Variants in ABR observed in about 807,000 individuals in gnomAD.
ABR encodes ABR activator of RhoGEF and GTPase.
In ABR, 35 loss-of-function variants were observed where a neutral mutation model predicts 107.2. The observed-to-expected ratio is 0.33, with a 90% CI of 0.25 to 0.43. The LOEUF (loss-of-function observed/expected upper bound fraction) is 0.43. Ranked by LOEUF, ABR falls within the 20% of genes least tolerant of loss-of-function variation. ABR has a pLI of 1.00. For synonymous variants in ABR, 498 were observed against 462.0 expected (o/e 1.08, Z -1.00); for missense variants, 815 against 1,115.2 (o/e 0.73, Z 3.83).
intron 1 of ABR, among the ~76,000 whole-genome samples, chr17:1,203,304 G>A (rs1473775015): frequency 1.3e-5 from 2 of 149,094 alleles, no homozygotes; most frequent in South Asian, 2.1e-4. Flanking sequence ...GCGTGGCCCG[G>A]CTCGTGGGGG....
At position 1,091,665 on chromosome 17, in the gene ABR, C is replaced by A; in HGVS notation, c.531G>T (p.Leu177=). Reference sequence around the variant, plus strand: ...GACCCTCCATCCCTGGCAGACTCACCAGCTTCTGGAAGAGGTGGCCCATGG... The same window carrying A: ...GACCCTCCATCCCTGGCAGACTCACAAGCTTCTGGAAGAGGTGGCCCATGG... The part of the protein sequence containing the change: ...QVTMGHLFQK[L]ASQLGVYKAF... Residue 177 remains leucine (L), a splice_region_variant and synonymous_variant, in exon 4 of 23, where the codon CTG becomes CTT. Coordinates refer to ENST00000302538, the MANE Select transcript of ABR (RefSeq NM_021962.5). 6.2e-7 allele frequency: 1 copy of A among 1,612,336 alleles called. No individual in the cohort carries two copies. Among genetic ancestry groups the A allele is most frequent in the Non-Finnish European group, 8.5e-7 (1 of 1,178,932 alleles).
chr17:1,031,151 C>A (rs1195174298), intron 16 of ABR, among the ~76,000 whole-genome samples: 2 of 152,154 alleles, frequency 1.3e-5, no homozygotes, highest in African/African-American at 4.8e-5. Context: ...CTCCCCTCCC[C>A]ACAATCCTGC....
chr17:1,069,793 C>G (rs1415882491), intron 9 of ABR, among the ~76,000 whole-genome samples, 176 bp downstream of exon 9: 1 of 130,204 alleles, frequency 7.7e-6, no homozygotes, highest in African/African-American at 2.9e-5. Context: ...CCCCCTCCCC[C>G]GCCCCTGGAC....
chr17:1,072,871 G>A (rs929603470), intron 7 of ABR, 117 bp from the exon 8 acceptor site: 32 of 1,326,842 alleles, frequency 2.4e-5, no homozygotes, highest in South Asian at 8.7e-5. Flanking sequence ...CCTAATTCCC[G>A]CAAAATCTGA....
Position 1,005,857 on chromosome 17 carries a change from A to T in ABR, c.*223T>A, listed in dbSNP as rs2069984182. ...CGGAGCATCAGACACAACTAGAGGT[A>T]TGGAGGGCAGGAGGTGGGATGCGGT... On this transcript the variant is annotated 3_prime_UTR_variant, in exon 23 of 23. Coordinates refer to ENST00000302538, the MANE Select transcript of ABR (RefSeq NM_021962.5). 3.4e-6 allele frequency: 2 copies of T among 593,834 alleles called. No individual in the cohort carries two copies. The highest frequency in any genetic ancestry group is 6.0e-6 in the Non-Finnish European group (2 of 331,708). 36.8% of individuals were successfully genotyped at this position (593,834 alleles called of 1,614,324 possible).
chr17:1,049,724 G>A (rs924855909), intron 16 of ABR, among the ~76,000 whole-genome samples: 15 of 152,218 alleles, frequency 9.9e-5, no homozygotes, highest in African/African-American at 3.1e-4. Flanking sequence ...CCCGTTCACC[G>A]ACGCAGCCTC....
At chr17:1,225,887 G>A (rs902486593) in intron 1 of ABR, among the ~76,000 whole-genome samples, 4 of 152,146 alleles carry the variant, frequency 2.6e-5, no homozygotes, top group Non-Finnish European at 5.9e-5. Context: ...TGTCACACAG[G>A]CAGTCTAGCT....
intron 1 of ABR, among the ~76,000 whole-genome samples, chr17:1,171,227 T>C (rs2041700105): frequency 6.6e-6 from 1 of 152,166 alleles, no homozygotes; most frequent in African/African-American, 2.4e-5. Flanking sequence ...CACGGCGTCT[T>C]TGGTCCCCGT....
intron 1 of ABR, among the ~76,000 whole-genome samples, chr17:1,146,251 G>A (rs1420631187): frequency 2.6e-5 from 3 of 114,858 alleles, no homozygotes; most frequent in African/African-American, 7.0e-5. Flanking sequence ...ATCCACGCAG[G>A]CACATGGAGA....
chr17:1,226,292 C>A (rs992585789), intron 1 of ABR, among the ~76,000 whole-genome samples: 1 of 152,184 alleles, frequency 6.6e-6, no homozygotes, highest in East Asian at 1.9e-4. Flanking sequence ...TTCCCTTAAT[C>A]GCTCCACTCT....
intron 3 of ABR, among the ~76,000 whole-genome samples, chr17:1,093,126 T>C (rs920780630): frequency 6.8e-6 from 1 of 147,666 alleles, no homozygotes; most frequent in Non-Finnish European, 1.5e-5. Context: ...CGGCCAGCCA[T>C]GTCGGATTCT....
chr17:1,125,773 G>A (rs574376048), intron 1 of ABR: 1 of 240,474 alleles, frequency 4.2e-6, no homozygotes, highest in Non-Finnish European at 7.9e-6. Flanking sequence ...AAGGAGGTGG[G>A]GGGGGCCGGT....
At chr17:1,215,162 G>C (rs1414464763) in intron 1 of ABR, among the ~76,000 whole-genome samples, 2 of 151,278 alleles carry the variant, frequency 1.3e-5, no homozygotes, top group Non-Finnish European at 2.9e-5. Context: ...AGAGATTGCA[G>C]TGAGCCTAGA....
chr17:1,075,388 G>A (rs918576274), intron 6 of ABR, among the ~76,000 whole-genome samples: 4 of 152,252 alleles, frequency 2.6e-5, no homozygotes, highest in Non-Finnish European at 2.9e-5. Flanking sequence ...GCGTGAACAC[G>A]CACGCCCTAG....
At chr17:1,223,150 C>T (rs9330549) in intron 1 of ABR, among the ~76,000 whole-genome samples, 13,111 of 151,680 alleles carry the variant, frequency 0.086, 1,532 homozygotes, top group African/African-American at 0.26. Context: ...TGCAGTGAGC[C>T]GAGATCTTGC....
At chr17:1,131,949 A>G (rs1267095041) in intron 1 of ABR, among the ~76,000 whole-genome samples, 1 of 68,408 alleles carries the variant, frequency 1.5e-5, no homozygotes, top group East Asian at 4.7e-4. Flanking sequence ...CTCTTTGCAC[A>G]CCAAATGCAG....
intron 1 of ABR, among the ~76,000 whole-genome samples, chr17:1,203,496 A>G (rs71358545): frequency 0.9 from 23,757 of 26,378 alleles, 11,500 homozygotes; most frequent in East Asian, 1. Flanking sequence ...GCCCGCGGGG[A>G]CGGAGTCTGC....
Position 1,050,443 on chromosome 17 carries a change from G to A in ABR, c.1659+94C>T, listed in dbSNP as rs2032339247. On this transcript the variant is annotated intron_variant, in intron 15 of 22. Transcript: ENST00000302538. This position sits in a 1 kb window ranked among gnomAD's most constrained non-coding sequence, Gnocchi z 4.6. ...GAGCAGAAAGGGGGGTGCAGACATA[G>A]CTGGTCCAACCAATGGGCTGGCCGT... The A allele has an allele frequency of 8.1e-7, 1 of 1,228,718 alleles. No individual in the cohort carries two copies. The highest frequency in any genetic ancestry group is 1.2e-5 in the South Asian group (1 of 82,642). The allele number at this position is 1,228,718 out of a possible 1,614,324, so 76.1% of individuals were successfully genotyped here. A position where few individuals can be genotyped will look rare whatever the true frequency, so the allele number is the denominator to read the frequency against.
In ABR at chr17:1,192,877, C is replaced by T. The variant is rs1006538670; in HGVS notation, c.838+35916G>A. Among the ~76,000 whole-genome samples the T allele has an allele frequency of 3.3e-5, 5 of 152,154 alleles. No homozygotes were observed. The East Asian group carries it at 9.7e-4, about 29-fold the overall frequency. ...CAGCCTGACCAATATGGTGAAACCC[C>T]CTCTCTACTAAAAATAGAAAATTAG... On this transcript the variant is annotated intron_variant, in intron 1 of 22. Transcript: ENST00000574139.
Sources: allele counts gnomAD v4.1 joint callset (sites outside exome capture counted in the v4.1 genomes callset), GRCh38; gene constraint gnomAD v4.1.1; non-coding constraint Gnocchi (gnomAD v3.1); transcripts MANE v1.5; gene names NCBI Gene and HGNC (gene_info 2026-07-23, HGNC 2026-07-21).